Variants in CDK19 observed in about 807,000 individuals in gnomAD.
The protein encoded by CDK19 is cyclin dependent kinase 19.
In CDK19, 20 loss-of-function variants were observed where a neutral mutation model predicts 68.3. The observed-to-expected ratio is 0.29, with a 90% CI of 0.21 to 0.43. CDK19 has a LOEUF of 0.43. CDK19 is among the 20% of genes least tolerant of loss of function. CDK19 has a pLI of 1.00. For synonymous variants in CDK19, 221 were observed against 222.8 expected, an observed-to-expected ratio of 0.99 and a Z score of 0.07; for missense variants, 339 against 623.5, an observed-to-expected ratio of 0.54 and a Z score of 4.86.
At chr6:110,805,987 A>AG (rs1242054485) in intron 1 of CDK19, among the ~76,000 whole-genome samples, 2 of 151,690 alleles carry the variant, frequency 1.3e-5, no homozygotes, top group African/African-American at 4.8e-5. Context: ...AAAAAAAAAA[A>AG]AAAGTAAGTA....
chr6:110,723,803 T>C (rs1776122403), intron 2 of CDK19, among the ~76,000 whole-genome samples: 1 of 152,198 alleles, frequency 6.6e-6, no homozygotes, highest in South Asian at 2.1e-4. Flanking sequence ...TAATACAAAT[T>C]GTGATGTTTC....
chr6:110,612,753 C>T lies in CDK19; in HGVS notation c.*1782G>A, dbSNP rs546159836. The T allele has an allele frequency of 6.5e-6, 1 of 152,752 alleles. No individual in the cohort carries two copies. Among genetic ancestry groups the T allele is most frequent in the African/African-American group, 2.4e-5 (1 of 41,566 alleles). 9.5% of individuals were successfully genotyped at this position (152,752 alleles called of 1,614,324 possible). On this transcript the variant is annotated 3_prime_UTR_variant, in exon 13 of 13. Coordinates refer to ENST00000368911, the MANE Select transcript of CDK19 (RefSeq NM_015076.5). Reference sequence around the variant, plus strand: ...TAAAACAGCAGGAGACTATCAGAAACTCCTTCCAATGGAGCACGTAACCTG... The same window carrying T: ...TAAAACAGCAGGAGACTATCAGAAATTCCTTCCAATGGAGCACGTAACCTG...
chr6:110,644,892 G>A (rs1192116046), intron 4 of CDK19, among the ~76,000 whole-genome samples: 1 of 152,086 alleles, frequency 6.6e-6, no homozygotes, highest in Admixed American at 6.6e-5. Context: ...GGGTAGAGAT[G>A]ATCACTATAT....
At chr6:110,680,789 G>C (rs1771943911) in intron 2 of CDK19, among the ~76,000 whole-genome samples, 1 of 152,100 alleles carries the variant, frequency 6.6e-6, no homozygotes, top group Admixed American at 6.6e-5. Context: ...TTGAAGCCAG[G>C]AGTTCGAGGC....
chr6:110,684,409 C>T lies in CDK19; in HGVS notation c.205-13868G>A, dbSNP rs948646127. Among the ~76,000 whole-genome samples, 19 of 115,784 alleles carry T rather than the reference C, an allele frequency of 1.6e-4. No individual in the cohort carries two copies. In the Admixed American group the frequency reaches 2.4e-3, roughly 15 times the overall value. 76.0% of individuals were successfully genotyped at this position (115,784 alleles called of 152,430 possible). ...AATGTTTATGTCCTTCTTATTTATC[C>T]TTTTCTCTCCTTGAAATAGAATGGT... On this transcript the variant is annotated intron_variant, in intron 2 of 12. Coordinates refer to ENST00000368911, the MANE Select transcript of CDK19 (RefSeq NM_015076.5).
rs1224498572 is a variant in CDK19 at position 110,622,291 on chromosome 6, T to A, written c.1032-125A>T. On this transcript the variant is annotated intron_variant, in intron 10 of 12. Coordinates refer to ENST00000368911, the MANE Select transcript of CDK19 (RefSeq NM_015076.5). ...CCTACTCTTCATCTGTGGCTAGTGT[T>A]CAAATCTTGACTGCTGCTAGCTAGT... 5.9e-6 allele frequency: 4 copies of A among 675,412 alleles called. No homozygotes were observed. In the East Asian group the frequency reaches 1.1e-4, roughly 18 times the overall value. 41.8% of individuals were successfully genotyped at this position (675,412 alleles called of 1,614,324 possible).
At chr6:110,633,601 T>C (rs1429436681) in intron 5 of CDK19, among the ~76,000 whole-genome samples, 2 of 151,840 alleles carry the variant, frequency 1.3e-5, no homozygotes, top group Admixed American at 6.5e-5. Flanking sequence ...AATTGAAATA[T>C]TGGGGGTATA....
At chr6:110,648,611 G>A (rs184044769) in intron 4 of CDK19, among the ~76,000 whole-genome samples, 36 of 144,834 alleles carry the variant, frequency 2.5e-4, no homozygotes, top group Admixed American at 5.0e-4. Context: ...CACGATCTTC[G>A]CTGACTACAA....
intron 1 of CDK19, among the ~76,000 whole-genome samples, chr6:110,749,776 ATT>A (rs199678816): frequency 3.5e-5 from 5 of 143,232 alleles, no homozygotes; most frequent in East Asian, 2.0e-4. Context: ...TGACCACACT[ATT>A]TTTTTTTTTT....
intron 12 of CDK19, among the ~76,000 whole-genome samples, chr6:110,620,457 G>GA (rs924254727): frequency 2.0e-5 from 3 of 151,704 alleles, no homozygotes; most frequent in African/African-American, 7.3e-5. Flanking sequence ...TTACTACCTT[G>GA]AAAAAAAATT....
upstream of CDK19, chr6:110,815,855 G>C (rs917625258): frequency 3.9e-5 from 6 of 152,492 alleles, no homozygotes; most frequent in Non-Finnish European, 8.8e-5. Flanking sequence ...GGGCTGGTGA[G>C]GACAGTTGTA....
At chr6:110,720,791 C>T (rs769608887) in intron 2 of CDK19, among the ~76,000 whole-genome samples, 2 of 149,068 alleles carry the variant, frequency 1.3e-5, no homozygotes, top group African/African-American at 2.5e-5. Flanking sequence ...CGCTTGAACC[C>T]GGGAAGCAGA....
chr6:110,621,381 G>GA lies in CDK19; in HGVS notation c.1111-12dup, dbSNP rs767390713. On this transcript the variant is annotated splice_polypyrimidine_tract_variant and intron_variant, in intron 11 of 12. Transcript: ENST00000368911. This position sits in a 1 kb window ranked among gnomAD's most constrained non-coding sequence, Gnocchi z 5.4. ...CTGCTGTTGCTGATTCTTTTAAGGG[G>GA]AAAAAAGCAAGCTTGGTATGAAACC... The GA allele has an allele frequency of 5.9e-6, 9 of 1,524,856 alleles. No individual in the cohort carries two copies. The Admixed American group carries it at 9.0e-5, about 15-fold the overall frequency. 94.5% of individuals were successfully genotyped at this position (1,524,856 alleles called of 1,614,324 possible).
chr6:110,644,663 G>A (rs544476015), intron 4 of CDK19, among the ~76,000 whole-genome samples: 33 of 152,006 alleles, frequency 2.2e-4, no homozygotes, highest in African/African-American at 7.7e-4. Context: ...CCAGTCCCTC[G>A]CAGGCTGGAA....
chr6:110,758,087 G>A (rs981223360), intron 1 of CDK19, among the ~76,000 whole-genome samples: 2 of 152,084 alleles, frequency 1.3e-5, no homozygotes, highest in African/African-American at 4.8e-5. Flanking sequence ...AGCTACTCAG[G>A]ATGTTGAGGT....
chr6:110,806,293 T>C (rs1287197390), intron 1 of CDK19, among the ~76,000 whole-genome samples: 1 of 150,582 alleles, frequency 6.6e-6, no homozygotes, highest in Non-Finnish European at 1.5e-5. Flanking sequence ...TGAGCCAAGA[T>C]CGTGCCATCA....
At chr6:110,617,147 C>T (rs1216405575) in intron 12 of CDK19, among the ~76,000 whole-genome samples, 3 of 152,192 alleles carry the variant, frequency 2.0e-5, no homozygotes, top group Admixed American at 6.5e-5. Flanking sequence ...ACTAGAATTC[C>T]CCTTCCCTAA....
intron 4 of CDK19, among the ~76,000 whole-genome samples, chr6:110,641,651 AAGGAAGGAAGGAAGG>A (rs1562150010): frequency 1.0e-4 from 14 of 134,346 alleles, no homozygotes; most frequent in Non-Finnish European, 2.0e-4. Flanking sequence ...GAAAGAAAGG[AAGGAAGGAAGGAAGG>A]AAGGAAGGAA....
chr6:110,795,402 G>T (rs930172070), intron 1 of CDK19, among the ~76,000 whole-genome samples: 4 of 152,228 alleles, frequency 2.6e-5, no homozygotes, highest in Non-Finnish European at 2.9e-5. Context: ...GATGTAAATT[G>T]TAAGACTGGT....
Sources: allele counts gnomAD v4.1 joint callset (sites outside exome capture counted in the v4.1 genomes callset), GRCh38; gene constraint gnomAD v4.1.1; non-coding constraint Gnocchi (gnomAD v3.1); transcripts MANE v1.5; gene names NCBI Gene and HGNC (gene_info 2026-07-23, HGNC 2026-07-21).